Variants in KIF26B observed in about 807,000 individuals in gnomAD.
The protein encoded by KIF26B is kinesin family member 26B, also known as kinesin-like protein KIF26B.
KIF26B carries 63 observed loss-of-function variants against 151.2 expected under a neutral mutation model. The ratio of observed to expected loss-of-function variants is 0.42; its 90% CI spans 0.34 to 0.51. The LOEUF is 0.51. Among genes scored for constraint, KIF26B ranks in the 20% least tolerant of loss-of-function variants. The pLI is 0.07. For synonymous variants in KIF26B, 1,357 were observed against 1,262.1 expected (o/e 1.08, Z -1.59); for missense variants, 2,813 against 2,913.6 (o/e 0.97, Z 0.79).
intron 10 of KIF26B, among the ~76,000 whole-genome samples, chr1:245,672,094 G>A (rs1287947860): frequency 1.3e-5 from 2 of 152,098 alleles, no homozygotes; most frequent in Non-Finnish European, 2.9e-5. Context: ...GGTCATGCCA[G>A]TCTGAGCCCA....
intron 5 of KIF26B, among the ~76,000 whole-genome samples, chr1:245,548,719 C>G (rs965913169): frequency 6.7e-6 from 1 of 149,306 alleles, no homozygotes; most frequent in Non-Finnish European, 1.5e-5. Context: ...ATAAGAGATT[C>G]GTAATCTTTT....
At chr1:245,163,913 A>C (rs1277497282) in intron 2 of KIF26B, among the ~76,000 whole-genome samples, 1 of 152,164 alleles carries the variant, frequency 6.6e-6, no homozygotes, top group Non-Finnish European at 1.5e-5. Flanking sequence ...ATTTTCAAAA[A>C]ATTTTGTCTT....
chr1:245,284,431 G>GA (rs1671130113), intron 2 of KIF26B, among the ~76,000 whole-genome samples: 1 of 151,932 alleles, frequency 6.6e-6, no homozygotes, highest in Admixed American at 6.6e-5. Context: ...GGGTTTTTTT[G>GA]AAAACGCAGG....
chr1:245,494,533 A>G (rs970564644), intron 4 of KIF26B, among the ~76,000 whole-genome samples: 1 of 152,188 alleles, frequency 6.6e-6, no homozygotes, highest in Admixed American at 6.5e-5. Flanking sequence ...CACTGAAGAA[A>G]GATGGGAGTC....
At chr1:245,453,409 T>G (rs2103054015) in intron 4 of KIF26B, among the ~76,000 whole-genome samples, 1 of 152,320 alleles carries the variant, frequency 6.6e-6, no homozygotes, top group Non-Finnish European at 1.5e-5. Context: ...TTTTAAAGTA[T>G]TGCATTAAAA....
intron 7 of KIF26B, among the ~76,000 whole-genome samples, chr1:245,609,005 T>C (rs2043488467): frequency 6.6e-6 from 1 of 152,204 alleles, no homozygotes. Context: ...CCTCCCATCT[T>C]GGCCCCCACA....
At chr1:245,552,573 G>A (rs1661919180) in intron 5 of KIF26B, among the ~76,000 whole-genome samples, 1 of 151,496 alleles carries the variant, frequency 6.6e-6, no homozygotes, top group Non-Finnish European at 1.5e-5. Context: ...TCCGTATAAG[G>A]CCTGACAATT....
In KIF26B at chr1:245,239,946, C is replaced by T. The variant is rs565418410; in HGVS notation, c.465+83263C>T. On this transcript the variant is annotated intron_variant, in intron 2 of 14. Coordinates refer to ENST00000407071, the MANE Select transcript of KIF26B (RefSeq NM_018012.4). This position sits in a 1 kb window ranked among gnomAD's most constrained non-coding sequence, Gnocchi z 4.3. ...ATCCCAGCCCTTTGGGAGGCCGAGG[C>T]GGGCGGATCACTTGAGGTCAGGAGT... Among the ~76,000 whole-genome samples, 10 of 151,724 alleles carry T rather than the reference C, an allele frequency of 6.6e-5. No homozygotes were observed. The highest frequency in any genetic ancestry group is 2.2e-4 in the African/African-American group (9 of 41,402).
intron 9 of KIF26B, among the ~76,000 whole-genome samples, chr1:245,617,947 C>CT (rs2043610675): frequency 6.6e-6 from 1 of 152,164 alleles, no homozygotes; most frequent in South Asian, 2.1e-4. Flanking sequence ...TCCTGGCATT[C>CT]TTCCTCCTGC....
chr1:245,226,899 G>A (rs1005278660), intron 2 of KIF26B, among the ~76,000 whole-genome samples: 1 of 152,206 alleles, frequency 6.6e-6, no homozygotes, highest in African/African-American at 2.4e-5. Context: ...CAGTGGGCTT[G>A]CCCTTTGCCT....
rs2044720243 is a variant in KIF26B, at chr1:245,698,253, T to C, written c.5972T>C (p.Val1991Ala). The C allele has an allele frequency of 6.2e-7, 1 of 1,613,580 alleles. No individual in the cohort carries two copies. Among genetic ancestry groups the C allele is most frequent in the Non-Finnish European group, 8.5e-7 (1 of 1,179,766 alleles). ...RGLGEPFEIK[V>A]YEIDDVERLQ... ...CTTGGGGAACCCTTTGAGATTAAAG[T>C]CTATGAAATCGATGACGTGGAGCGC... Residue 1991 changes from valine to alanine, a missense_variant, in exon 13 of 15, where the codon GTC becomes GCC. Transcript: ENST00000407071. This position sits in a 1 kb window ranked among gnomAD's most constrained non-coding sequence, Gnocchi z 4.0.
intron 5 of KIF26B, among the ~76,000 whole-genome samples, chr1:245,565,319 C>T (rs2042999107): frequency 6.7e-6 from 1 of 148,414 alleles, no homozygotes; most frequent in African/African-American, 2.5e-5. Context: ...GACAGAGTCT[C>T]ACTCTGTTGC....
chr1:245,591,450 T>C (rs1392912933), intron 5 of KIF26B, among the ~76,000 whole-genome samples: 1 of 152,178 alleles, frequency 6.6e-6, no homozygotes, highest in Non-Finnish European at 1.5e-5. Context: ...TATGGCCGAT[T>C]TATAGATGTG....
chr1:245,321,738 C>T (rs1262349838), intron 2 of KIF26B, among the ~76,000 whole-genome samples: 1 of 152,214 alleles, frequency 6.6e-6, no homozygotes, highest in Non-Finnish European at 1.5e-5. Flanking sequence ...GATTGAGCCG[C>T]AATTGGCCAG....
Position 245,611,815 on chromosome 1 carries a change from G to A in KIF26B, c.1937G>A (p.Arg646Gln). The change falls in exon 9 of 15, where the codon CGG becomes CAG. Residue 646 changes from arginine (R) to glutamine (Q), a missense_variant. By Grantham distance (43) the Arg-to-Gln change is conservative (BLOSUM62 1). Coordinates refer to ENST00000407071, the MANE Select transcript of KIF26B (RefSeq NM_018012.4). ...GTQLQNQSEL[R>Q]APTAEKAAFF... ...CAGCTGCAGAACCAGAGCGAGCTGCGGGCCCCCACCGCAGAGAAGGCTGCC... is the reference window on the plus strand; with the variant it reads ...CAGCTGCAGAACCAGAGCGAGCTGCAGGCCCCCACCGCAGAGAAGGCTGCC... 8 of 1,613,590 alleles carry A rather than the reference G, an allele frequency of 5.0e-6. No homozygotes were observed. Among genetic ancestry groups the A allele is most frequent in the Middle Eastern group, 1.7e-4 (1 of 6,046 alleles).
chr1:245,265,435 A>G (rs1573741606), intron 2 of KIF26B, among the ~76,000 whole-genome samples: 1 of 152,106 alleles, frequency 6.6e-6, no homozygotes, highest in African/African-American at 2.4e-5. Flanking sequence ...CTTAAAAATC[A>G]TATTTTCAAG....
At chr1:245,670,275 TATATATGCAC>T (rs1466626866) in intron 10 of KIF26B, among the ~76,000 whole-genome samples, 2 of 97,788 alleles carry the variant, frequency 2.0e-5, no homozygotes, top group African/African-American at 8.3e-5. Flanking sequence ...TATATATATA[TATATATGCAC>T]ACACACACAC....
intron 2 of KIF26B, among the ~76,000 whole-genome samples, chr1:245,363,830 G>A (rs1057140578): frequency 6.6e-6 from 1 of 152,146 alleles, no homozygotes; most frequent in African/African-American, 2.4e-5. Flanking sequence ...TGTCTGTGGC[G>A]GTCGTATTGA....
At chr1:245,647,294 G>A (rs1329143069) in intron 10 of KIF26B, among the ~76,000 whole-genome samples, 1 of 151,522 alleles carries the variant, frequency 6.6e-6, no homozygotes, top group Non-Finnish European at 1.5e-5. Flanking sequence ...GCGTGGTGGT[G>A]GGCACCTGTA....
Sources: gnomAD v4.1 joint callset for allele counts (sites outside exome capture counted in the v4.1 genomes callset) on GRCh38, gnomAD v4.1.1 for gene constraint, Gnocchi (gnomAD v3.1) non-coding constraint, MANE v1.5 for transcripts, NCBI Gene and HGNC (gene_info 2026-07-23, HGNC 2026-07-21) for gene names.